DSP: variants seen among roughly 807,000 people sequenced by gnomAD.
DSP encodes the protein desmoplakin, also known as 250/210 kDa paraneoplastic pemphigus antigen.
A neutral mutation model predicts 290.6 loss-of-function variants in DSP; 114 were observed. That is an observed-to-expected ratio of 0.39 (90% CI 0.34 to 0.46). DSP has a LOEUF of 0.46. DSP is among the 20% of genes least tolerant of loss of function. DSP has a pLI of 0.99. For synonymous variants in DSP, 1,311 were observed against 1,316.4 expected (o/e 1.00, Z 0.09); for missense variants, 3,230 against 3,495.8 (o/e 0.92, Z 1.92).
At position 7,541,893 on chromosome 6, in the gene DSP, C is replaced by T. The variant is rs751380801; in HGVS notation, c.-23C>T. On this transcript the variant is annotated 5_prime_UTR_variant, in exon 1 of 24. Transcript: ENST00000379802. ...CCTCGCTTATGCCTCGGCGCTGAGC[C>T]GCTCTCCCGATTGCCCGCCGACATG... is the stretch of plus-strand genomic sequence containing the variant. 5.6e-6 allele frequency: 9 copies of T among 1,602,082 alleles called. No homozygotes were observed. Among genetic ancestry groups the T allele is most frequent in the Non-Finnish European group, 7.7e-6 (9 of 1,176,386 alleles).
intron 4 of DSP, among the ~76,000 whole-genome samples, chr6:7,559,631 T>C (rs1758620852): frequency 6.6e-6 from 1 of 152,240 alleles, no homozygotes; most frequent in African/African-American, 2.4e-5. Context: ...TAGTCATCCT[T>C]TATCACACAG....
In DSP at chr6:7,580,233, T is replaced by C; in HGVS notation, c.4043T>C (p.Leu1348Pro). 6.2e-7 allele frequency: 1 copy of C among 1,613,740 alleles called. No individual in the cohort carries two copies. The highest frequency in any genetic ancestry group is 8.5e-7 in the Non-Finnish European group (1 of 1,179,946). ...AKRRWEYENE[L>P]SKVRNNYDEE... ...CGCCGCTGGGAATATGAAAATGAAC[T>C]GAGTAAGGTAAGAAACAATTATGAT... Residue 1348 changes from leucine (L) to proline (P), a missense_variant, in exon 23 of 24, where the codon CTG (leucine) becomes CCG (proline). Physicochemically the swap from Leu to Pro is moderately conservative, Grantham distance 98 (BLOSUM62 -3). This residue lies in a region of DSP where 1,714 missense variants were observed against 1,844.5 expected (regional missense o/e 0.93). Transcript: ENST00000379802. The surrounding 1 kb of genome is among the most constrained non-coding windows in gnomAD (Gnocchi z 4.2).
In DSP at chr6:7,582,926, T is replaced by A. The variant is rs1445340832; in HGVS notation, c.5664T>A (p.Ser1888Arg). The change falls in exon 24 of 24, where the codon AGT becomes AGA. Residue 1888 changes from serine (S) to arginine (R), a missense_variant. By Grantham distance (110) the Ser-to-Arg change is moderately radical. Coordinates refer to ENST00000379802, the MANE Select transcript of DSP (RefSeq NM_004415.4). This position sits in a 1 kb window ranked among gnomAD's most constrained non-coding sequence, Gnocchi z 4.2. ...AGATAGAATCGGAAAGAGAAAAGAG[T>A]GAGAGAGAGAAGAACAGTCTTAGGA... is the stretch of plus-strand genomic sequence containing the variant. ...IRKIESEREK[S>R]EREKNSLRSE... 3.1e-6 allele frequency: 5 copies of A among 1,610,118 alleles called. No individual in the cohort carries two copies. Among genetic ancestry groups the A allele is most frequent in the East Asian group, 2.2e-5 (1 of 44,686 alleles).
chr6:7,586,104 T>G lies in DSP; in HGVS notation c.*226T>G. The G allele has an allele frequency of 1.9e-6, 1 of 539,684 alleles. No homozygotes were observed. Among genetic ancestry groups the G allele is most frequent in the Admixed American group, 3.5e-5 (1 of 28,808 alleles). 33.4% of individuals were successfully genotyped at this position (539,684 alleles called of 1,614,324 possible). ...ACACTTGGATGCAGTGCGTCTGAAG[T>G]GCTAATCAGTTGTAACAATAGCACA... On this transcript the variant is annotated 3_prime_UTR_variant, in exon 24 of 24. Transcript: ENST00000379802.
At chr6:7,568,939 A>T (rs1758947478) in intron 11 of DSP, among the ~76,000 whole-genome samples, 1 of 152,178 alleles carries the variant, frequency 6.6e-6, no homozygotes, top group Non-Finnish European at 1.5e-5. Flanking sequence ...GTCTCTCACT[A>T]TGGGTGACAC....
intron 23 of DSP, 129 bp downstream of exon 23, chr6:7,581,698 TCTA>T (rs1759445462): frequency 2.3e-6 from 3 of 1,278,926 alleles, no homozygotes; most frequent in Non-Finnish European, 3.2e-6. Flanking sequence ...TTTTTATTGC[TCTA>T]CTACTTCCTG....
chr6:7,554,645 T>A (rs984648630), intron 1 of DSP, among the ~76,000 whole-genome samples: 3 of 151,800 alleles, frequency 2.0e-5, no homozygotes, highest in East Asian at 1.9e-4. Context: ...TTACAGAAAA[T>A]ATATATATAT....
intron 3 of DSP, among the ~76,000 whole-genome samples, chr6:7,558,619 A>G (rs548693938): frequency 2.8e-4 from 42 of 151,330 alleles, no homozygotes; most frequent in African/African-American, 8.3e-4. Context: ...GGCTCAAGCA[A>G]TCCTCCCACT....
At position 7,574,111 on chromosome 6, in the gene DSP, T is replaced by C. The variant is rs753970789; in HGVS notation, c.2156T>C (p.Ile719Thr). ...AGTGTGCAGAATGATTCACAAGCAA[T>C]TGCTGAGGTTCTCAACCAGCTTAAA... ...LKSVQNDSQA[I>T]AEVLNQLKDM... Residue 719 changes from isoleucine to threonine, a missense_variant, in exon 16 of 24, where the codon ATT (isoleucine) becomes ACT (threonine). By Grantham distance (89) the Ile-to-Thr change is moderately conservative. Transcript: ENST00000379802. 1 of 1,614,144 alleles carries C rather than the reference T, an allele frequency of 6.2e-7. No individual in the cohort carries two copies. The highest frequency in any genetic ancestry group is 1.3e-5 in the African/African-American group (1 of 75,054).
At chr6:7,573,534 C>T (rs1192280567) in intron 15 of DSP, among the ~76,000 whole-genome samples, 12 of 150,950 alleles carry the variant, frequency 7.9e-5, no homozygotes, top group Admixed American at 4.0e-4. Flanking sequence ...GCTGAGATCA[C>T]GCCATTGCAC....
chr6:7,549,174 A>G (rs1758260427), intron 1 of DSP, among the ~76,000 whole-genome samples: 1 of 149,630 alleles, frequency 6.7e-6, no homozygotes, highest in Admixed American at 6.7e-5. Flanking sequence ...TTTGAGACGG[A>G]GTTTTGCTCT....
In DSP at chr6:7,574,284, C is replaced by G. The variant is rs747815573; in HGVS notation, c.2297+32C>G. 4.4e-6 allele frequency: 7 copies of G among 1,607,926 alleles called. No individual in the cohort carries two copies. The South Asian group carries it at 5.5e-5, about 13-fold the overall frequency. On this transcript the variant is annotated intron_variant, in intron 16 of 23. Transcript: ENST00000379802. ...TCAGCTAACACTAATCTCATATTTT[C>G]CTTTTCTCAAGCTTCTTTTTCTGGG...
At chr6:7,559,774 C>T (rs1156744288) in intron 4 of DSP, among the ~76,000 whole-genome samples, 2 of 152,070 alleles carry the variant, frequency 1.3e-5, no homozygotes, top group African/African-American at 2.4e-5. Flanking sequence ...CAACTGACCT[C>T]ATCTGTTTTA....
At position 7,567,338 on chromosome 6, in the gene DSP, C is replaced by T. The variant is rs530682284; in HGVS notation, c.1045-16C>T. 3.1e-6 allele frequency: 5 copies of T among 1,610,196 alleles called. No individual in the cohort carries two copies. The highest frequency in any genetic ancestry group is 1.7e-4 in the Middle Eastern group (1 of 6,060). ...AACTGAGCTAGGCTAAGACAGCTGA[C>T]ATTTTCTTGTTTCAGGCCTATATGG... is the stretch of plus-strand genomic sequence containing the variant. On this transcript the variant is annotated splice_polypyrimidine_tract_variant and intron_variant, in intron 8 of 23. Transcript: ENST00000379802.
chr6:7,541,774 G>C lies in DSP; in HGVS notation c.-142G>C. Reference sequence around the variant, plus strand: ...CAGCGGCCTCGGGAGGGCCCAGGTAGCGAGCAGCGACCTCGCGAGCCTTCC... The same window carrying C: ...CAGCGGCCTCGGGAGGGCCCAGGTACCGAGCAGCGACCTCGCGAGCCTTCC... On this transcript the variant is annotated 5_prime_UTR_variant, in exon 1 of 24. Transcript: ENST00000379802. 9.1e-7 allele frequency: 1 copy of C among 1,100,828 alleles called. No homozygotes were observed. Among genetic ancestry groups the C allele is most frequent in the Non-Finnish European group, 1.3e-6 (1 of 797,646 alleles). 68.2% of individuals were successfully genotyped at this position (1,100,828 alleles called of 1,614,324 possible).
Position 7,583,693 on chromosome 6 carries a change from C to T in DSP, c.6431C>T (p.Pro2144Leu). The T allele has an allele frequency of 6.2e-7, 1 of 1,614,036 alleles. No homozygotes were observed. Among genetic ancestry groups the T allele is most frequent in the East Asian group, 2.2e-5 (1 of 44,870 alleles). Residue 2144 changes from proline to leucine, a missense_variant, in exon 24 of 24, where the codon CCA becomes CTA. Pro to Leu is a moderately conservative substitution (Grantham distance 98). Around this residue, in one of 5 missense-constraint regions of DSP, gnomAD observed 1,714 missense variants for 1,844.5 expected, o/e 0.93. Coordinates refer to ENST00000379802, the MANE Select transcript of DSP (RefSeq NM_004415.4). This position sits in a 1 kb window ranked among gnomAD's most constrained non-coding sequence, Gnocchi z 4.0. ...VVDPVNSVFL[P>L]KDVALARGLI... ...GACCCTGTGAACAGTGTCTTTTTGC[C>T]AAAAGATGTCGCCTTGGCCCGGGGG...
intron 1 of DSP, among the ~76,000 whole-genome samples, chr6:7,552,103 T>A (rs944961180): frequency 6.6e-6 from 1 of 152,184 alleles, no homozygotes; most frequent in African/African-American, 2.4e-5. Context: ...AGACAAATAA[T>A]GATATCAAAG....
intron 10 of DSP, among the ~76,000 whole-genome samples, chr6:7,568,157 T>A (rs982124178): frequency 1.3e-5 from 2 of 152,240 alleles, no homozygotes; most frequent in African/African-American, 4.8e-5. Context: ...TTACTTCACA[T>A]GACAATTCCT....
intron 1 of DSP, among the ~76,000 whole-genome samples, chr6:7,542,345 G>A (rs1008941199): frequency 2.0e-5 from 3 of 152,164 alleles, no homozygotes; most frequent in Admixed American, 1.3e-4. Flanking sequence ...GTCAGAGGGG[G>A]CGTCGGGCCC....
Sources: gnomAD v4.1 joint callset for allele counts (sites outside exome capture counted in the v4.1 genomes callset) on GRCh38, gnomAD v4.1.1 for gene constraint, gnomAD v4.1.1 regional missense constraint, Gnocchi (gnomAD v3.1) non-coding constraint, MANE v1.5 for transcripts, NCBI Gene and HGNC (gene_info 2026-07-23, HGNC 2026-07-21) for gene names.